Variants in GPRC5A observed in about 807,000 individuals in gnomAD.
The protein encoded by GPRC5A is retinoic acid-induced protein 3.
A neutral mutation model predicts 22.5 loss-of-function variants in GPRC5A; 19 were observed. That is an observed-to-expected ratio of 0.85 (90% CI 0.59 to 1.24). The LOEUF (loss-of-function observed/expected upper bound fraction) is 1.24, where lower values mean the gene tolerates loss of function less well. GPRC5A is among the 50% of genes most tolerant of loss of function. GPRC5A has a pLI of 0.00. For synonymous variants in GPRC5A, 192 were observed against 184.5 expected (o/e 1.04, Z -0.33); for missense variants, 471 against 451.1 (o/e 1.04, Z -0.40).
chr12:12,900,913 AC>A lies in GPRC5A; in HGVS notation c.-7-7329del, dbSNP rs1403877282. On this transcript the variant is annotated intron_variant, in intron 1 of 3. Coordinates refer to ENST00000014914, the MANE Select transcript of GPRC5A (RefSeq NM_003979.4). ...TCTCAAAAAAAAAAAAAAAAAAAAA[AC>A]AAAAAAAAAACAACCCAGAAAAACC... Among the ~76,000 whole-genome samples, 296 of 106,152 alleles carry A rather than the reference AC, an allele frequency of 2.8e-3. 8 individuals are homozygous for A. The highest frequency in any genetic ancestry group is 9.7e-3 in the East Asian group (35 of 3,620). 69.6% of individuals were successfully genotyped at this position (106,152 alleles called of 152,430 possible). A position where few individuals can be genotyped will look rare whatever the true frequency, so the allele number is the denominator to read the frequency against.
At chr12:12,903,464 T>C (rs907542981) in intron 1 of GPRC5A, among the ~76,000 whole-genome samples, 1 of 152,094 alleles carries the variant, frequency 6.6e-6, no homozygotes, top group African/African-American at 2.4e-5. Context: ...CATTTTTATT[T>C]TTCTAGAGAC....
chr12:12,896,821 C>T (rs1863826306), intron 1 of GPRC5A, among the ~76,000 whole-genome samples: 2 of 152,134 alleles, frequency 1.3e-5, no homozygotes, highest in African/African-American at 4.8e-5. Flanking sequence ...GTCTGATAGG[C>T]AGCTCAGCAG....
Position 12,908,278 on chromosome 12 carries a change from G to A in GPRC5A, c.29G>A (p.Arg10His), listed in dbSNP as rs200518388. The A allele has an allele frequency of 1.0e-5, 16 of 1,599,990 alleles. No individual in the cohort carries two copies. The highest frequency in any genetic ancestry group is 3.4e-5 in the Admixed American group (2 of 58,272). The change falls in exon 2 of 4, where the codon CGC (arginine) becomes CAC (histidine). Residue 10 changes from arginine to histidine, a missense_variant. Transcript: ENST00000014914. ...GCTACAACAGTCCCTGATGGTTGCC[G>A]CAATGGCCTGAAATCCAAGTACTAC... MATTVPDGC[R>H]NGLKSKYYRL...
At position 12,912,064 on chromosome 12, in the gene GPRC5A, C is replaced by A. The variant is rs1864010708; in HGVS notation, c.923-20C>A. On this transcript the variant is annotated intron_variant, in intron 2 of 3. Transcript: ENST00000014914. ...GGTGGGGGCCCCAGTGGTTTAATTT[C>A]TCCTGTTCCTCCATTTCAGGTTTTG... is the stretch of plus-strand genomic sequence containing the variant. 6.3e-7 allele frequency: 1 copy of A among 1,591,772 alleles called. No individual in the cohort carries two copies. Among genetic ancestry groups the A allele is most frequent in the South Asian group, 1.1e-5 (1 of 90,518 alleles).
intron 1 of GPRC5A, among the ~76,000 whole-genome samples, chr12:12,897,935 C>T (rs887602071): frequency 1.3e-5 from 2 of 152,006 alleles, no homozygotes; most frequent in South Asian, 2.1e-4. Context: ...ACCTCCTTTG[C>T]GGACTCCTAC....
rs574181499 is a variant in GPRC5A at position 12,906,008 on chromosome 12, C to T, written c.-7-2235C>T. 1.9e-3 allele frequency among the ~76,000 whole-genome samples: 282 copies of T among 151,948 alleles called. 3 individuals are homozygous for T. Among genetic ancestry groups the T allele is most frequent in the Non-Finnish European group, 3.5e-3 (237 of 67,974 alleles). On this transcript the variant is annotated intron_variant, in intron 1 of 3. Transcript: ENST00000014914. Reference sequence around the variant, plus strand: ...AGGGGTAGGGAGAGAGAGAAAGAGACGTAGAGAGGAGGAGAGAGAGAAGGA... The same window carrying T: ...AGGGGTAGGGAGAGAGAGAAAGAGATGTAGAGAGGAGGAGAGAGAGAAGGA...
chr12:12,893,399 C>T (rs529980696), intron 1 of GPRC5A, among the ~76,000 whole-genome samples: 1 of 152,280 alleles, frequency 6.6e-6, no homozygotes, highest in South Asian at 2.1e-4. Context: ...TATTTAAAGT[C>T]CCAAGATTAA....
intron 2 of GPRC5A, 84 bp downstream of exon 2, chr12:12,909,255 G>A: frequency 9.9e-7 from 1 of 1,007,268 alleles, no homozygotes; most frequent in Non-Finnish European, 1.5e-6. Context: ...TAAGGAACAT[G>A]CAAGATTTTC....
At chr12:12,904,523 A>C (rs1479457079) in intron 1 of GPRC5A, among the ~76,000 whole-genome samples, 1 of 152,124 alleles carries the variant, frequency 6.6e-6, no homozygotes, top group Non-Finnish European at 1.5e-5. Flanking sequence ...CTACTGTGGT[A>C]GAAGTGGAAA....
intron 1 of GPRC5A, among the ~76,000 whole-genome samples, chr12:12,897,781 G>T (rs577011342): frequency 6.6e-6 from 1 of 151,820 alleles, no homozygotes; most frequent in Non-Finnish European, 1.5e-5. Context: ...GTTCATTTTT[G>T]TATTTGTAGT....
Position 12,916,027 on chromosome 12 carries a change from T to C in GPRC5A, c.*3488T>C. Reference sequence around the variant, plus strand: ...TAAGCTATTTTTAAAAGTTATTATTTTTTTACTCTTTCTTTTCTTTGGAGA... The same window carrying C: ...TAAGCTATTTTTAAAAGTTATTATTCTTTTACTCTTTCTTTTCTTTGGAGA... On this transcript the variant is annotated 3_prime_UTR_variant, in exon 4 of 4. Coordinates refer to ENST00000014914, the MANE Select transcript of GPRC5A (RefSeq NM_003979.4). 1 of 266,060 alleles carries C rather than the reference T, an allele frequency of 3.8e-6. No homozygotes were observed. Among genetic ancestry groups the C allele is most frequent in the South Asian group, 3.3e-5 (1 of 30,056 alleles). The allele number at this position is 266,060 out of a possible 1,614,324, so 16.5% of individuals were successfully genotyped here.
At chr12:12,896,192 A>C (rs1243674283) in intron 1 of GPRC5A, among the ~76,000 whole-genome samples, 3 of 152,184 alleles carry the variant, frequency 2.0e-5, no homozygotes, top group African/African-American at 7.2e-5. Flanking sequence ...TGTTTCGTTT[A>C]GAGTAACAGG....
intron 1 of GPRC5A, among the ~76,000 whole-genome samples, chr12:12,906,229 G>A (rs2136460033): frequency 6.6e-6 from 1 of 152,246 alleles, no homozygotes; most frequent in African/African-American, 2.4e-5. Context: ...TACCTCATAG[G>A]GTTGCTATGA....
At chr12:12,901,786 A>C (rs996155582) in intron 1 of GPRC5A, among the ~76,000 whole-genome samples, 1 of 146,474 alleles carries the variant, frequency 6.8e-6, no homozygotes, top group African/African-American at 2.6e-5. Context: ...AAAAAAAACC[A>C]TCCTGGAGGA....
chr12:12,908,945 G>A lies in GPRC5A; in HGVS notation c.696G>A (p.Met232Ile), dbSNP rs373157501. 1 of 1,614,008 alleles carries A rather than the reference G, an allele frequency of 6.2e-7. No individual in the cohort carries two copies. ...AIWVAWITLL[M>I]LPDFDRRWDD... Reference sequence around the variant, plus strand: ...GGGTGGCCTGGATCACCCTGCTCATGCTTCCTGACTTTGACCGCAGGTGGG... The same window carrying A: ...GGGTGGCCTGGATCACCCTGCTCATACTTCCTGACTTTGACCGCAGGTGGG... Residue 232 changes from methionine to isoleucine, a missense_variant, in exon 2 of 4, where the codon ATG (methionine) becomes ATA (isoleucine). Coordinates refer to ENST00000014914, the MANE Select transcript of GPRC5A (RefSeq NM_003979.4).
chr12:12,912,873 G>A lies in GPRC5A; in HGVS notation c.*334G>A, dbSNP rs1864022312. The A allele has an allele frequency of 4.1e-6, 1 of 240,986 alleles. No individual in the cohort carries two copies. The highest frequency in any genetic ancestry group is 8.0e-6 in the Non-Finnish European group (1 of 125,162). The allele number at this position is 240,986 out of a possible 1,614,324, so 14.9% of individuals were successfully genotyped here. On this transcript the variant is annotated 3_prime_UTR_variant, in exon 4 of 4. Coordinates refer to ENST00000014914, the MANE Select transcript of GPRC5A (RefSeq NM_003979.4). ...ATCTTGCTCTGTCACCCAGGCTTGA[G>A]TGCAGTGGTGCGATCACAGCCCAGT...
In GPRC5A at chr12:12,908,479, G is replaced by A. The variant is rs548754680; in HGVS notation, c.230G>A (p.Gly77Asp). 1.3e-5 allele frequency: 21 copies of A among 1,614,100 alleles called. No individual in the cohort carries two copies. The African/African-American group carries it at 2.7e-4, about 20-fold the overall frequency. Residue 77 changes from glycine (G) to aspartate (D), a missense_variant, in exon 2 of 4, where the codon GGC becomes GAC. Gly to Asp is a moderately conservative substitution (Grantham distance 94). Transcript: ENST00000014914. ...TTTCTCTTCCTCCTGGGTGTGTTGG[G>A]CATCTTTGGCCTCACCTTCGCCTTC... ...TQFLFLLGVLGIFGLTFAFII... is the reference protein window; with the variant it reads ...TQFLFLLGVLDIFGLTFAFII...
At chr12:12,895,465 G>A (rs1032002466) in intron 1 of GPRC5A, among the ~76,000 whole-genome samples, 8 of 149,982 alleles carry the variant, frequency 5.3e-5, no homozygotes, top group East Asian at 2.0e-4. Flanking sequence ...TGGTTTGGTT[G>A]TCTCCATCTC....
At chr12:12,892,433 T>C (rs1375794793) in intron 1 of GPRC5A, among the ~76,000 whole-genome samples, 2 of 151,896 alleles carry the variant, frequency 1.3e-5, no homozygotes, top group Admixed American at 1.3e-4. Context: ...AATGTTGCGA[T>C]CTCAGCTCAC....
Sources: gnomAD v4.1 joint callset for allele counts (sites outside exome capture counted in the v4.1 genomes callset) on GRCh38, gnomAD v4.1.1 for gene constraint, MANE v1.5 for transcripts, NCBI Gene and HGNC (gene_info 2026-07-23, HGNC 2026-07-21) for gene names.